MAP2: variants seen among roughly 807,000 people sequenced by gnomAD.
The protein encoded by MAP2 is microtubule-associated protein 2.
Under a neutral mutation model 137.6 loss-of-function variants are expected in MAP2, and 14 were observed. The ratio of observed to expected loss-of-function variants is 0.10; its 90% CI spans 0.07 to 0.16. MAP2 has a LOEUF of 0.16. MAP2 is among the 10% of genes least tolerant of loss of function. The pLI is 1.00. For synonymous variants in MAP2, 786 were observed against 782.3 expected (o/e 1.00, Z -0.08); for missense variants, 2,088 against 2,191.5 (o/e 0.95, Z 0.94).
At chr2:209,596,592 G>A (rs549287820) in intron 3 of MAP2, among the ~76,000 whole-genome samples, 1 of 152,310 alleles carries the variant, frequency 6.6e-6, no homozygotes, top group South Asian at 2.1e-4. Context: ...TAAAAGTAAA[G>A]GAAATGAAAC....
At chr2:209,725,888 A>T (rs139383567) in intron 14 of MAP2, 98 bp downstream of exon 14, 1 of 637,050 alleles carries the variant, frequency 1.6e-6, no homozygotes, top group African/African-American at 1.9e-5. Flanking sequence ...AATTGGAAGG[A>T]TGTTTTAAAA....
intron 3 of MAP2, among the ~76,000 whole-genome samples, chr2:209,615,695 C>T (rs967675657): frequency 6.6e-6 from 1 of 152,140 alleles, no homozygotes; most frequent in African/African-American, 2.4e-5. Context: ...TGAAACGCCA[C>T]CTCCAAGCCG....
chr2:209,557,265 G>A (rs964829596), intron 2 of MAP2, among the ~76,000 whole-genome samples: 4 of 152,180 alleles, frequency 2.6e-5, no homozygotes, highest in African/African-American at 9.7e-5. Context: ...CACATAATGG[G>A]AGCATTTTGG....
intron 1 of MAP2, among the ~76,000 whole-genome samples, chr2:209,502,261 C>T (rs533804571): frequency 1.2e-3 from 189 of 152,268 alleles, no homozygotes; most frequent in African/African-American, 4.4e-3. Flanking sequence ...CGCCAACCTC[C>T]CCACCTCCAG....
At chr2:209,460,531 C>T (rs1297480514) in intron 1 of MAP2, among the ~76,000 whole-genome samples, 2 of 151,720 alleles carry the variant, frequency 1.3e-5, no homozygotes, top group Admixed American at 1.3e-4. Context: ...CTTCCCTTTC[C>T]CTTTCCCTTT....
chr2:209,524,860 CTGTTGTGTT>C (rs2063792971), intron 2 of MAP2, among the ~76,000 whole-genome samples: 1 of 151,810 alleles, frequency 6.6e-6, no homozygotes, highest in African/African-American at 2.4e-5. Context: ...AATTCATTAC[CTGTTGTGTT>C]TGTTATTTGG....
intron 1 of MAP2, among the ~76,000 whole-genome samples, chr2:209,489,051 T>C (rs758236887): frequency 6.6e-6 from 1 of 152,152 alleles, no homozygotes; most frequent in Non-Finnish European, 1.5e-5. Context: ...CTGGCTGGCA[T>C]CTGGTGGGTG....
intron 1 of MAP2, among the ~76,000 whole-genome samples, chr2:209,446,597 A>C (rs146212617): frequency 2.0e-3 from 306 of 152,050 alleles, no homozygotes; most frequent in African/African-American, 7.1e-3. Context: ...CAAGGAAAAA[A>C]ATTTATGGTA....
intron 3 of MAP2, among the ~76,000 whole-genome samples, chr2:209,619,687 A>G (rs997199420): frequency 1.3e-5 from 2 of 152,132 alleles, no homozygotes; most frequent in African/African-American, 4.8e-5. Flanking sequence ...TAAGCTACCA[A>G]TTTAGCAAAG....
intron 3 of MAP2, among the ~76,000 whole-genome samples, chr2:209,581,181 G>A (rs1162822368): frequency 6.6e-6 from 1 of 152,152 alleles, no homozygotes; most frequent in African/African-American, 2.4e-5. Flanking sequence ...TATCTGCAAT[G>A]TATAATCATG....
chr2:209,496,357 T>C (rs772719882), intron 1 of MAP2, among the ~76,000 whole-genome samples: 6 of 152,222 alleles, frequency 3.9e-5, no homozygotes, highest in Non-Finnish European at 8.8e-5. Context: ...ATTAATGTTA[T>C]ATCTACCTGT....
At chr2:209,558,966 T>C (rs2071340340) in intron 2 of MAP2, among the ~76,000 whole-genome samples, 1 of 152,098 alleles carries the variant, frequency 6.6e-6, no homozygotes, top group Non-Finnish European at 1.5e-5. Flanking sequence ...GCCTCTGTAA[T>C]GAAGAAGGAA....
chr2:209,534,636 T>C (rs1246519281), intron 2 of MAP2, among the ~76,000 whole-genome samples: 1 of 152,252 alleles, frequency 6.6e-6, no homozygotes, highest in African/African-American at 2.4e-5. Flanking sequence ...CTCTTGAGTC[T>C]GTCAACATTT....
intron 4 of MAP2, among the ~76,000 whole-genome samples, chr2:209,636,062 C>T (rs967463319): frequency 2.0e-4 from 31 of 152,192 alleles, no homozygotes; most frequent in African/African-American, 6.7e-4. Flanking sequence ...GATTTTTACT[C>T]TTTTCTTTTA....
intron 2 of MAP2, among the ~76,000 whole-genome samples, chr2:209,547,085 C>T (rs1233741500): frequency 1.3e-5 from 2 of 151,808 alleles, no homozygotes; most frequent in African/African-American, 4.8e-5. Context: ...ATATATATAC[C>T]CTAAATTTTA....
intron 5 of MAP2, among the ~76,000 whole-genome samples, chr2:209,660,589 G>T (rs959706148): frequency 6.8e-6 from 1 of 147,636 alleles, no homozygotes; most frequent in Non-Finnish European, 1.5e-5. Context: ...TAGAGACGGG[G>T]TTTCACCGTG....
At chr2:209,686,436 A>G (rs1211168079) in intron 7 of MAP2, among the ~76,000 whole-genome samples, 1 of 152,204 alleles carries the variant, frequency 6.6e-6, no homozygotes, top group Non-Finnish European at 1.5e-5. Context: ...ATATTTGCAA[A>G]TTAATGCTAT....
chr2:209,685,322 T>A (rs2056603562), intron 7 of MAP2, among the ~76,000 whole-genome samples: 1 of 152,190 alleles, frequency 6.6e-6, no homozygotes, highest in South Asian at 2.1e-4. Context: ...TATTTATTTA[T>A]TTAAAATTAT....
At chr2:209,525,610 A>G (rs554413172) in intron 2 of MAP2, among the ~76,000 whole-genome samples, 2 of 152,262 alleles carry the variant, frequency 1.3e-5, no homozygotes, top group African/African-American at 4.8e-5. Context: ...CTGGAAAAAG[A>G]TATCATAGTG....
Sources: gnomAD v4.1 joint callset for allele counts (sites outside exome capture counted in the v4.1 genomes callset) on GRCh38, gnomAD v4.1.1 for gene constraint, MANE v1.5 for transcripts, NCBI Gene and HGNC (gene_info 2026-07-23, HGNC 2026-07-21) for gene names.